CFAP161: variants seen among roughly 807,000 people sequenced by gnomAD.
CFAP161 encodes cilia- and flagella-associated protein 161.
CFAP161 carries 25 observed loss-of-function variants against 29.0 expected under a neutral mutation model. The observed-to-expected ratio is 0.86, with a 90% CI of 0.63 to 1.20. CFAP161 has a LOEUF of 1.20. Among genes scored for constraint, CFAP161 ranks in the 50% most tolerant of loss-of-function variants. The probability of loss-of-function intolerance (pLI) is 0.00; values close to 1 mark genes in which losing one functional copy is unlikely to be tolerated. For synonymous variants in CFAP161, 116 were observed against 137.4 expected (o/e 0.84, Z 1.09); for missense variants, 367 against 371.9 (o/e 0.99, Z 0.11).
At chr15:81,134,192 G>A (rs1292361396), upstream of CFAP161, 3 of 1,020,798 alleles carry the variant, frequency 2.9e-6, no homozygotes, top group South Asian at 1.6e-5. Context: ...CCGCCCCAGG[G>A]CGAGGGTGCG....
intron 4 of CFAP161, among the ~76,000 whole-genome samples, chr15:81,140,949 C>T (rs1271704487): frequency 6.6e-6 from 1 of 152,142 alleles, no homozygotes; most frequent in African/African-American, 2.4e-5. Context: ...TGATAGGGCT[C>T]ATAGCCCTGT....
At chr15:81,116,325 G>A (rs542491561) in intron 1 of CFAP161, among the ~76,000 whole-genome samples, 48 of 152,024 alleles carry the variant, frequency 3.2e-4, no homozygotes, top group African/African-American at 1.2e-3. Flanking sequence ...ATGGATTCTT[G>A]CTCTGTTGCC....
At position 81,126,253 on chromosome 15, in the gene CFAP161, G is replaced by T. The variant is rs137989789; in HGVS notation, c.-141-1337G>T. On this transcript the variant is annotated intron_variant, in intron 1 of 4. Transcript: ENST00000560091. ...TTGTTCACATTGCTAAACTTTATTTGCCCTGATAGGTAATTGAATGAAGGC... is the reference window on the plus strand; with the variant it reads ...TTGTTCACATTGCTAAACTTTATTTTCCCTGATAGGTAATTGAATGAAGGC... 9.2e-5 allele frequency among the ~76,000 whole-genome samples: 14 copies of T among 152,314 alleles called. No individual in the cohort carries two copies. The East Asian group carries it at 2.5e-3, about 27-fold the overall frequency.
chr15:81,100,254 TTCA>T, intron 1 of CFAP161, among the ~76,000 whole-genome samples: 1 of 149,206 alleles, frequency 6.7e-6, no homozygotes, highest in Non-Finnish European at 1.5e-5. Flanking sequence ...TAATACTTAT[TTCA>T]TCTTAGTTCT....
At chr15:81,121,518 A>T (rs375955283) in intron 1 of CFAP161, among the ~76,000 whole-genome samples, 2 of 57,366 alleles carry the variant, frequency 3.5e-5, no homozygotes, top group Non-Finnish European at 1.1e-4. Flanking sequence ...TCAAAAACAC[A>T]TCTGACTTTT....
intron 5 of CFAP161, among the ~76,000 whole-genome samples, chr15:81,144,242 G>A (rs908328857): frequency 2.0e-5 from 3 of 152,216 alleles, no homozygotes; most frequent in African/African-American, 2.4e-5. Context: ...GATCATGAGC[G>A]TTGTGACACT....
chr15:81,117,657 G>T, intron 1 of CFAP161: 1 of 270,252 alleles, frequency 3.7e-6, no homozygotes. Flanking sequence ...TTCATCATCT[G>T]TTTCTCTCTT....
At chr15:81,110,958 C>T (rs1483404676) in intron 1 of CFAP161, among the ~76,000 whole-genome samples, 2 of 152,142 alleles carry the variant, frequency 1.3e-5, no homozygotes, top group Non-Finnish European at 2.9e-5. Flanking sequence ...CTAGGAGACC[C>T]TTTCTATGTA....
chr15:81,132,053 G>T (rs750843936), upstream of CFAP161, among the ~76,000 whole-genome samples: 20 of 152,238 alleles, frequency 1.3e-4, no homozygotes, highest in Non-Finnish European at 2.5e-4. Flanking sequence ...GAGGAGGGCC[G>T]ATCACTTGAG....
At chr15:81,148,224 G>T in intron 6 of CFAP161, 114 bp from the exon 7 acceptor site, 1 of 1,080,856 alleles carries the variant, frequency 9.3e-7, no homozygotes, top group Non-Finnish European at 1.3e-6. Context: ...AGATTCCCTA[G>T]GGCTTTATCT....
intron 1 of CFAP161, among the ~76,000 whole-genome samples, chr15:81,114,503 C>A (rs1176840234): frequency 1.3e-5 from 2 of 152,112 alleles, no homozygotes; most frequent in Non-Finnish European, 2.9e-5. Context: ...AAGAAGTTTG[C>A]CACATTGATT....
In CFAP161 at chr15:81,148,590, A is replaced by G. The variant is rs1268643240; in HGVS notation, c.*57A>G. 2.6e-6 allele frequency: 4 copies of G among 1,518,720 alleles called. No homozygotes were observed. The highest frequency in any genetic ancestry group is 3.6e-6 in the Non-Finnish European group (4 of 1,118,094). 94.1% of individuals were successfully genotyped at this position (1,518,720 alleles called of 1,614,324 possible). A position where few individuals can be genotyped will look rare whatever the true frequency, so the allele number is the denominator to read the frequency against. On this transcript the variant is annotated 3_prime_UTR_variant, in exon 7 of 7. Coordinates refer to ENST00000286732, the MANE Select transcript of CFAP161 (RefSeq NM_173528.4). ...CCGCTCTCATCAAATGTAGCTTTAA[A>G]AGAAATTAACAACCTTGGTCATGCC...
intron 1 of CFAP161, among the ~76,000 whole-genome samples, chr15:81,119,493 C>T (rs2663933): frequency 0.57 from 86,939 of 151,842 alleles, 26,120 homozygotes; most frequent in Non-Finnish European, 0.68. Flanking sequence ...ATTTTAATAA[C>T]GTTATATAAT....
intron 1 of CFAP161, among the ~76,000 whole-genome samples, chr15:81,123,339 G>A (rs1034441294): frequency 9.2e-5 from 14 of 152,188 alleles, no homozygotes; most frequent in Admixed American, 7.2e-4. Flanking sequence ...TTGAAGATCA[G>A]ATAGTTGTAG....
chr15:81,145,078 G>A (rs914978411), intron 5 of CFAP161, among the ~76,000 whole-genome samples: 7 of 152,272 alleles, frequency 4.6e-5, no homozygotes, highest in Non-Finnish European at 5.9e-5. Flanking sequence ...TAGCCACTGC[G>A]TTGACTATGG....
At chr15:81,105,316 TCTTTC>T (rs1378730142) in intron 1 of CFAP161, among the ~76,000 whole-genome samples, 16 of 138,512 alleles carry the variant, frequency 1.2e-4, no homozygotes, top group Non-Finnish European at 2.0e-4. Flanking sequence ...TTTCTTCCTT[TCTTTC>T]CTTTCCTTCT....
chr15:81,111,396 A>G (rs1270760620), intron 1 of CFAP161, among the ~76,000 whole-genome samples: 2 of 152,108 alleles, frequency 1.3e-5, no homozygotes, highest in African/African-American at 4.8e-5. Context: ...ATTTAGTTCC[A>G]CCTCCTTATC....
At chr15:81,133,221 A>AT (rs1253988690), upstream of CFAP161, among the ~76,000 whole-genome samples, 27 of 32,490 alleles carry the variant, frequency 8.3e-4, no homozygotes, top group African/African-American at 2.5e-3. Flanking sequence ...ATATATATAT[A>AT]TATGTATTTT....
chr15:81,140,871 G>A (rs1595919143), intron 4 of CFAP161, among the ~76,000 whole-genome samples: 1 of 152,110 alleles, frequency 6.6e-6, no homozygotes, highest in Admixed American at 6.5e-5. Context: ...ACAGGCGTGA[G>A]CCACTGCACC....
Sources: gnomAD v4.1 joint callset for allele counts (sites outside exome capture counted in the v4.1 genomes callset) on GRCh38, gnomAD v4.1.1 for gene constraint, MANE v1.5 for transcripts, NCBI Gene and HGNC (gene_info 2026-07-23, HGNC 2026-07-21) for gene names.